PCDHA1: variants seen among roughly 807,000 people sequenced by gnomAD.
The protein encoded by PCDHA1 is protocadherin alpha-1.
Under a neutral mutation model 61.3 loss-of-function variants are expected in PCDHA1, and 42 were observed. The observed-to-expected ratio is 0.69, with a 90% CI of 0.54 to 0.89. PCDHA1 has a LOEUF of 0.89. Ranked by LOEUF, PCDHA1 falls within the 40% of genes least tolerant of loss-of-function variation. The pLI is 0.00. For synonymous variants in PCDHA1, 610 were observed against 553.8 expected, an observed-to-expected ratio of 1.10 and a Z score of -1.43; for missense variants, 1,256 against 1,235.3, an observed-to-expected ratio of 1.02 and a Z score of -0.25.
chr5:140,927,796 C>T, intron 1 of PCDHA1: 1 of 1,614,202 alleles, frequency 6.2e-7, no homozygotes, highest in South Asian at 1.1e-5. Context: ...ACTAGGTCCG[C>T]CTGAAACGCT....
intron 1 of PCDHA1, among the ~76,000 whole-genome samples, chr5:140,845,543 T>C (rs1416946225): frequency 6.7e-6 from 1 of 149,544 alleles, no homozygotes; most frequent in Non-Finnish European, 1.5e-5. Flanking sequence ...ATTCTAATTA[T>C]GGTGATGCTT....
At chr5:140,898,323 G>A (rs2066657733) in intron 1 of PCDHA1, among the ~76,000 whole-genome samples, 1 of 152,132 alleles carries the variant, frequency 6.6e-6, no homozygotes, top group Admixed American at 6.5e-5. Context: ...ATGGTTTTGG[G>A]TCTAACGTTT....
At chr5:140,965,561 A>T (rs2095912417) in intron 1 of PCDHA1, among the ~76,000 whole-genome samples, 1 of 152,114 alleles carries the variant, frequency 6.6e-6, no homozygotes, top group Admixed American at 6.5e-5. Context: ...TTAGGAGATC[A>T]ACAGTAACGC....
chr5:140,802,379 C>T (rs781889429), intron 1 of PCDHA1: 4 of 1,614,152 alleles, frequency 2.5e-6, no homozygotes, highest in East Asian at 4.5e-5. Flanking sequence ...CCCACGTCCC[C>T]TTCAAGCTGG....
At chr5:140,827,327 G>A (rs2150084598) in intron 1 of PCDHA1, among the ~76,000 whole-genome samples, 1 of 152,306 alleles carries the variant, frequency 6.6e-6, no homozygotes, top group East Asian at 1.9e-4. Flanking sequence ...ACTAGAATTT[G>A]AAGTGGTGAA....
chr5:140,883,972 C>T (rs781784485), intron 1 of PCDHA1: 2 of 1,612,972 alleles, frequency 1.2e-6, no homozygotes, highest in Non-Finnish European at 8.5e-7. Context: ...TGCTGACGCC[C>T]GGGGCTGGCA....
chr5:140,855,092 T>A (rs2043336220), intron 1 of PCDHA1, among the ~76,000 whole-genome samples: 1 of 149,960 alleles, frequency 6.7e-6, no homozygotes, highest in Admixed American at 6.7e-5. Context: ...TCTCAGCCTG[T>A]GCAGTAGCAA....
rs2150440099 is a variant in PCDHA1 at position 140,849,547 on chromosome 5, C to T, written c.2394+60863C>T. The T allele has an allele frequency of 7.5e-5, 120 of 1,598,270 alleles. 12 individuals are homozygous for T. Among genetic ancestry groups the T allele is most frequent in the Non-Finnish European group, 6.2e-5 (72 of 1,167,888 alleles). ...GTAAATGACAATGCTCCACAGTTGA[C>T]TATCAAAACGCTCTCGGTTCCTGTA... On this transcript the variant is annotated intron_variant, in intron 1 of 3. Coordinates refer to ENST00000504120, the MANE Select transcript of PCDHA1 (RefSeq NM_018900.4).
Position 141,009,784 on chromosome 5 carries a change from G to T in PCDHA1, c.2700G>T (p.Arg900=). The T allele has an allele frequency of 6.2e-7, 1 of 1,614,054 alleles. No individual in the cohort carries two copies. The highest frequency in any genetic ancestry group is 8.5e-7 in the Non-Finnish European group (1 of 1,180,018). ...GATCTCCTGCAATCATCTCCATCCG[G>T]CAGGAGCCTACTAACAGCCAAATTG... ...IPGSPAIISI[R]QEPTNSQIDK... The change falls in exon 4 of 4, where the codon CGG becomes CGT. Residue 900 remains arginine (R), a synonymous_variant. Coordinates refer to ENST00000504120, the MANE Select transcript of PCDHA1 (RefSeq NM_018900.4).
chr5:140,881,350 T>C, intron 1 of PCDHA1: 1 of 985,354 alleles, frequency 1.0e-6, no homozygotes, highest in Non-Finnish European at 1.2e-6. Flanking sequence ...CGGGCTACAA[T>C]GCGTGGCTTT....
At chr5:140,941,797 A>G (rs1425454318) in intron 1 of PCDHA1, among the ~76,000 whole-genome samples, 1 of 152,224 alleles carries the variant, frequency 6.6e-6, no homozygotes, top group African/African-American at 2.4e-5. Flanking sequence ...AAGAATATTT[A>G]GTTGATTTCA....
chr5:140,972,905 A>C (rs1188926107), intron 1 of PCDHA1, among the ~76,000 whole-genome samples: 18 of 151,782 alleles, frequency 1.2e-4, no homozygotes, highest in African/African-American at 4.4e-4. Flanking sequence ...CTTGTGATCC[A>C]CCCGCCTTGG....
chr5:140,842,521 C>A (rs144333530), intron 1 of PCDHA1: 1 of 1,613,390 alleles, frequency 6.2e-7, no homozygotes, highest in African/African-American at 1.3e-5. Context: ...TGGTGTCCAC[C>A]TTCAAGAATT....
rs1051787265 is a variant in PCDHA1 at position 140,857,050 on chromosome 5, G to A, written c.2394+68366G>A. On this transcript the variant is annotated intron_variant, in intron 1 of 3. Transcript: ENST00000504120. ...ACCCACCTATGGTTGGTCACTGCAC[G>A]GTCCTAGTGGAACTACTGGATGAAA... is the stretch of plus-strand genomic sequence containing the variant. 1.3e-5 allele frequency: 20 copies of A among 1,595,508 alleles called. 1 individual carries two copies. The highest frequency in any genetic ancestry group is 1.7e-5 in the Non-Finnish European group (20 of 1,165,320).
At chr5:140,941,255 C>CTTTCTTTCTTTCTTTCTCTT (rs782490896) in intron 1 of PCDHA1, among the ~76,000 whole-genome samples, 1 of 44,508 alleles carries the variant, frequency 2.2e-5, no homozygotes, top group Non-Finnish European at 5.1e-5. Context: ...TTCTTTCTTT[C>CTTTCTTTCTTTCTTTCTCTT]TCTTTCTTTC....
rs146607016 is a variant in PCDHA1, at chr5:140,835,699, C to A, written c.2394+47015C>A. 1.1e-4 allele frequency: 183 copies of A among 1,613,916 alleles called. 1 individual carries two copies. The highest frequency in any genetic ancestry group is 1.4e-4 in the Non-Finnish European group (162 of 1,179,884). On this transcript the variant is annotated intron_variant, in intron 1 of 3. Transcript: ENST00000504120. ...GGCTCGCCTTCTCTGTGGGCCACTGCTAGCGTGTCCGTGGAGGTGGCCGAC... is the reference window on the plus strand; with the variant it reads ...GGCTCGCCTTCTCTGTGGGCCACTGATAGCGTGTCCGTGGAGGTGGCCGAC...
intron 1 of PCDHA1, among the ~76,000 whole-genome samples, chr5:140,945,947 A>C (rs2093865061): frequency 6.6e-6 from 1 of 152,132 alleles, no homozygotes; most frequent in Non-Finnish European, 1.5e-5. Flanking sequence ...TTTTTATATG[A>C]CCCTGAAAGC....
rs17119231 is a variant in PCDHA1, at chr5:140,804,783, C to A, written c.2394+16099C>A. 3.2e-3 allele frequency: 849 copies of A among 266,884 alleles called. 8 individuals are homozygous for A. The highest frequency in any genetic ancestry group is 0.024 in the Admixed American group (445 of 18,618). 16.5% of individuals were successfully genotyped at this position (266,884 alleles called of 1,614,324 possible). A position where few individuals can be genotyped will look rare whatever the true frequency, so the allele number is the denominator to read the frequency against. On this transcript the variant is annotated intron_variant, in intron 1 of 3. Transcript: ENST00000504120. ...ATTAGTTGGACTCCCATTTAAGTTT[C>A]CCTACCACTGGAGAGAAATAGTAAC...
chr5:140,801,148 T>C lies in PCDHA1; in HGVS notation c.2394+12464T>C. On this transcript the variant is annotated intron_variant, in intron 1 of 3. Transcript: ENST00000504120. ...GAAGATAAGGAACTCGAATTATTTT[T>C]AAACTTTGGATCAATGTAAAGGCAA... 1.3e-6 allele frequency: 2 copies of C among 1,529,694 alleles called. 1 individual carries two copies. Among genetic ancestry groups the C allele is most frequent in the Non-Finnish European group, 1.8e-6 (2 of 1,142,296 alleles). The allele number at this position is 1,529,694 out of a possible 1,614,324, so 94.8% of individuals were successfully genotyped here. A position where few individuals can be genotyped will look rare whatever the true frequency, so the allele number is the denominator to read the frequency against.
Sources: gnomAD v4.1 joint callset for allele counts (sites outside exome capture counted in the v4.1 genomes callset) on GRCh38, gnomAD v4.1.1 for gene constraint, MANE v1.5 for transcripts, NCBI Gene and HGNC (gene_info 2026-07-23, HGNC 2026-07-21) for gene names.